The following PARD3B variants were observed in gnomAD, a reference collection of about 807,000 sequenced individuals.
PARD3B encodes par-3 family cell polarity regulator beta, also known as partitioning defective 3 homolog B.
In PARD3B, 103 loss-of-function variants were observed where a neutral mutation model predicts 130.2. The observed-to-expected ratio is 0.79, with a 90% CI of 0.67 to 0.93. PARD3B has a LOEUF of 0.93. Ranked by LOEUF, PARD3B falls within the 40% of genes least tolerant of loss-of-function variation. The pLI, the probability that PARD3B is intolerant of heterozygous loss-of-function variation, is 0.00. For synonymous variants in PARD3B, 583 were observed against 553.2 expected (o/e 1.05, Z -0.76); for missense variants, 1,609 against 1,499.2 (o/e 1.07, Z -1.21).
At chr2:204,696,598 A>C (rs1032492932) in intron 2 of PARD3B, among the ~76,000 whole-genome samples, 1 of 152,098 alleles carries the variant, frequency 6.6e-6, no homozygotes, top group Non-Finnish European at 1.5e-5. Context: ...GCTTGTACTT[A>C]TAGATACATT....
At position 205,158,602 on chromosome 2, in the gene PARD3B, C is replaced by A; in HGVS notation, c.1435-120C>A. 1 of 1,029,296 alleles carries A rather than the reference C, an allele frequency of 9.7e-7. No homozygotes were observed. The highest frequency in any genetic ancestry group is 1.4e-6 in the Non-Finnish European group (1 of 701,642). The allele number at this position is 1,029,296 out of a possible 1,614,324, so 63.8% of individuals were successfully genotyped here. A position where few individuals can be genotyped will look rare whatever the true frequency, so the allele number is the denominator to read the frequency against. On this transcript the variant is annotated intron_variant, in intron 10 of 22. Coordinates refer to ENST00000406610, the MANE Select transcript of PARD3B (RefSeq NM_001302769.2). This position sits in a 1 kb window ranked among gnomAD's most constrained non-coding sequence, Gnocchi z 5.4. Reference sequence around the variant, plus strand: ...GCCTTTGCCTGCCAGGAGCCGATTACAGCTGTGAGAGGTCCAGTCATCCTG... The same window carrying A: ...GCCTTTGCCTGCCAGGAGCCGATTAAAGCTGTGAGAGGTCCAGTCATCCTG...
At chr2:204,627,053 TGTAA>T (rs2034512401) in intron 1 of PARD3B, among the ~76,000 whole-genome samples, 1 of 152,264 alleles carries the variant, frequency 6.6e-6, no homozygotes, top group East Asian at 1.9e-4. Context: ...GTGGTGGTTT[TGTAA>T]GTGTTGACAA....
intron 2 of PARD3B, among the ~76,000 whole-genome samples, chr2:204,884,395 GTCA>G (rs1303874808): frequency 1.3e-5 from 2 of 152,108 alleles, no homozygotes; most frequent in Admixed American, 6.6e-5. Context: ...TTTATTTGAA[GTCA>G]TCATGAAATG....
chr2:204,813,810 TTC>T (rs1210231245), intron 2 of PARD3B, among the ~76,000 whole-genome samples: 4 of 152,138 alleles, frequency 2.6e-5, no homozygotes, highest in Non-Finnish European at 4.4e-5. Context: ...TGCTTGAAAA[TTC>T]TGATGTCCAT....
In PARD3B at chr2:205,381,175, TATATATAAAGAATATATATTATATATA is replaced by T. The variant is rs1372154281; in HGVS notation, c.2631-19803_2631-19777del. On this transcript the variant is annotated intron_variant, in intron 18 of 22. Transcript: ENST00000406610. ...TATAATATATATAAAGAATATATAA[TATATATAAAGAATATATATTATATATA>T]ATATATAAAGAATATATATTATATA... 6.9e-3 allele frequency among the ~76,000 whole-genome samples: 825 copies of T among 119,910 alleles called. 7 individuals carry two copies. Among genetic ancestry groups the T allele is most frequent in the African/African-American group, 0.023 (677 of 29,202 alleles). The allele number at this position is 119,910 out of a possible 152,430, so 78.7% of individuals were successfully genotyped here. A position where few individuals can be genotyped will look rare whatever the true frequency, so the allele number is the denominator to read the frequency against.
At chr2:205,518,122 G>C (rs1289716853) in intron 21 of PARD3B, among the ~76,000 whole-genome samples, 3 of 152,036 alleles carry the variant, frequency 2.0e-5, no homozygotes, top group African/African-American at 4.8e-5. Flanking sequence ...GTTGAGTTCA[G>C]GTCCTGAATA....
chr2:205,411,596 C>T (rs1442973958), intron 19 of PARD3B, among the ~76,000 whole-genome samples: 2 of 152,064 alleles, frequency 1.3e-5, no homozygotes, highest in African/African-American at 4.8e-5. Context: ...GAATTAAAAC[C>T]CCAGATAACC....
chr2:205,075,425 T>C (rs62172473), intron 4 of PARD3B, among the ~76,000 whole-genome samples: 30,592 of 151,960 alleles, frequency 0.2, 3,569 homozygotes, highest in Middle Eastern at 0.3. Context: ...TTACAATTAA[T>C]ATATAGAAAG....
At chr2:204,847,080 C>T (rs984740640) in intron 2 of PARD3B, among the ~76,000 whole-genome samples, 4 of 151,754 alleles carry the variant, frequency 2.6e-5, no homozygotes, top group Admixed American at 6.6e-5. Context: ...ACTATCGCCA[C>T]GTATTTCTAT....
intron 19 of PARD3B, among the ~76,000 whole-genome samples, chr2:205,433,570 A>T (rs1346726889): frequency 6.6e-6 from 1 of 150,428 alleles, no homozygotes; most frequent in Non-Finnish European, 1.5e-5. Flanking sequence ...TTGAGGTATA[A>T]TTTACATAAA....
At chr2:205,615,163 G>A (rs1241527619) in intron 22 of PARD3B, among the ~76,000 whole-genome samples, 2 of 152,166 alleles carry the variant, frequency 1.3e-5, no homozygotes, top group South Asian at 2.1e-4. Flanking sequence ...GATTGACATG[G>A]TGGCTCCATG....
At chr2:204,932,446 A>G (rs10490276) in intron 2 of PARD3B, among the ~76,000 whole-genome samples, 5,868 of 152,196 alleles carry the variant, frequency 0.039, 380 homozygotes, top group African/African-American at 0.13. Context: ...TGTATTTTGC[A>G]TATGACCAAG....
intron 2 of PARD3B, among the ~76,000 whole-genome samples, chr2:204,803,124 A>G (rs2042631379): frequency 7.0e-6 from 1 of 142,714 alleles, no homozygotes; most frequent in African/African-American, 2.6e-5. Flanking sequence ...GAGGGACATA[A>G]TGTATTTAAA....
chr2:205,420,550 A>G (rs1276026707), intron 19 of PARD3B, among the ~76,000 whole-genome samples: 1 of 152,090 alleles, frequency 6.6e-6, no homozygotes. Context: ...CTGCAGGTCT[A>G]CTCTGAAAAA....
At chr2:205,059,836 A>G (rs1201994102) in intron 4 of PARD3B, among the ~76,000 whole-genome samples, 2 of 152,192 alleles carry the variant, frequency 1.3e-5, no homozygotes, top group East Asian at 3.9e-4. Flanking sequence ...GCCACGTAAT[A>G]CTACCCAGCA....
chr2:205,159,429 T>C (rs544250941), intron 11 of PARD3B, among the ~76,000 whole-genome samples: 2 of 152,142 alleles, frequency 1.3e-5, no homozygotes, highest in Non-Finnish European at 2.9e-5. Flanking sequence ...GTTTTCTAGG[T>C]TTCCAGAAAA....
At chr2:204,644,488 T>G (rs115700211) in intron 1 of PARD3B, among the ~76,000 whole-genome samples, 7,275 of 152,246 alleles carry the variant, frequency 0.048, 229 homozygotes, top group Non-Finnish European at 0.063. Context: ...ATTATTACTA[T>G]GTTAGTTGAA....
intron 3 of PARD3B, among the ~76,000 whole-genome samples, chr2:205,026,340 G>A (rs1697027218): frequency 1.3e-5 from 2 of 152,126 alleles, no homozygotes; most frequent in South Asian, 4.2e-4. Context: ...AGAGCCAGAT[G>A]AGACAGAGTC....
intron 3 of PARD3B, among the ~76,000 whole-genome samples, chr2:204,975,062 A>G (rs985378582): frequency 2.6e-5 from 4 of 152,150 alleles, no homozygotes; most frequent in African/African-American, 9.7e-5. Flanking sequence ...TTGTTCTAAT[A>G]TTATGGGGTA....
Sources: gnomAD v4.1 joint callset for allele counts (sites outside exome capture counted in the v4.1 genomes callset) on GRCh38, gnomAD v4.1.1 for gene constraint, Gnocchi (gnomAD v3.1) non-coding constraint, MANE v1.5 for transcripts, NCBI Gene and HGNC (gene_info 2026-07-23, HGNC 2026-07-21) for gene names.